Variants in DPPA4 observed in about 807,000 individuals in gnomAD.
DPPA4 encodes the protein developmental pluripotency-associated protein 4.
DPPA4 carries 22 observed loss-of-function variants against 33.7 expected under a neutral mutation model. That is an observed-to-expected ratio of 0.65 (90% confidence interval 0.47 to 0.93). The LOEUF (loss-of-function observed/expected upper bound fraction) is 0.93. Among genes scored for constraint, DPPA4 ranks in the 40% least tolerant of loss-of-function variants. The probability of loss-of-function intolerance (pLI) is 0.00; values close to 1 mark genes in which losing one functional copy is unlikely to be tolerated. For missense variants in DPPA4, 340 were observed against 358.6 expected (o/e 0.95, Z 0.42); for synonymous variants, 156 against 132.3 (o/e 1.18, Z -1.23).
rs1707969289 is a variant in DPPA4, at chr3:109,327,759, G to A, written c.*229C>T. The stretch of plus-strand genomic sequence containing the variant: ...TTTCTACATATTAACTACAATTTAT[G>A]GTAATTTGTGAAATGTTTTTCCATT... On this transcript the variant is annotated 3_prime_UTR_variant, in exon 7 of 7. Transcript: ENST00000335658. 4 of 437,794 alleles carry A rather than the reference G, an allele frequency of 9.1e-6. No homozygotes were observed. In the South Asian group the frequency reaches 1.4e-4, roughly 16 times the overall value. 27.1% of individuals were successfully genotyped at this position (437,794 alleles called of 1,614,324 possible).
intron 1 of DPPA4, among the ~76,000 whole-genome samples, chr3:109,335,418 G>A (rs1014495769): frequency 1.1e-4 from 16 of 152,218 alleles, no homozygotes; most frequent in African/African-American, 3.4e-4. Flanking sequence ...GAGCCACTGC[G>A]CCCAAGGGTT....
intron 4 of DPPA4, among the ~76,000 whole-genome samples, 191 bp downstream of exon 4, chr3:109,331,543 C>CAAAAAAAAAAAA (rs62827961): frequency 2.2e-4 from 16 of 71,450 alleles, no homozygotes; most frequent in South Asian, 5.2e-4. Context: ...GACTCTGTCT[C>CAAAAAAAAAAAA]AAAAAAAAAA....
At position 109,330,900 on chromosome 3, in the gene DPPA4, T is replaced by C. The variant is rs554572158; in HGVS notation, c.391-88A>G. 48 of 1,240,410 alleles carry C rather than the reference T, an allele frequency of 3.9e-5. No individual in the cohort carries two copies. The South Asian group carries it at 6.8e-4, about 18-fold the overall frequency. 76.8% of individuals were successfully genotyped at this position (1,240,410 alleles called of 1,614,324 possible). A position where few individuals can be genotyped will look rare whatever the true frequency, so the allele number is the denominator to read the frequency against. The stretch of plus-strand genomic sequence containing the variant: ...AAGGAGCTCTTGATCAAATACAAAG[T>C]TTCACTTAGGAGGACTAGGTTCAAG... On this transcript the variant is annotated intron_variant, in intron 4 of 6. Transcript: ENST00000335658.
At chr3:109,334,811 C>T (rs1708157869) in intron 1 of DPPA4, among the ~76,000 whole-genome samples, 1 of 152,140 alleles carries the variant, frequency 6.6e-6, no homozygotes, top group Non-Finnish European at 1.5e-5. Flanking sequence ...TGTTACATTC[C>T]TCAGCCCCAA....
chr3:109,328,576 T>C (rs1707985940), intron 6 of DPPA4, among the ~76,000 whole-genome samples: 1 of 152,218 alleles, frequency 6.6e-6, no homozygotes, highest in African/African-American at 2.4e-5. Flanking sequence ...CTGTTAAGAC[T>C]GTAGGCTACT....
At position 109,327,260 on chromosome 3, in the gene DPPA4, T is replaced by C. The variant is rs1437313688; in HGVS notation, c.*728A>G. On this transcript the variant is annotated 3_prime_UTR_variant, in exon 7 of 7. Transcript: ENST00000335658. ...TACTTTACGTTTTATGAAATTGCAA[T>C]TGGAATGAAGCAGCTCCTAAAGTAG... The C allele has an allele frequency of 6.6e-6, 1 of 152,120 alleles. No individual in the cohort carries two copies. Among genetic ancestry groups the C allele is most frequent in the East Asian group, 1.9e-4 (1 of 5,190 alleles). The allele number at this position is 152,120 out of a possible 1,614,324, so 9.4% of individuals were successfully genotyped here. A position where few individuals can be genotyped will look rare whatever the true frequency, so the allele number is the denominator to read the frequency against.
In DPPA4 at chr3:109,328,934, G is replaced by A. The variant is rs1303861160; in HGVS notation, c.834C>T (p.Pro278=). The A allele has an allele frequency of 2.5e-6, 4 of 1,613,894 alleles. No homozygotes were observed. The highest frequency in any genetic ancestry group is 2.2e-5 in the East Asian group (1 of 44,872). The change falls in exon 6 of 7, where the codon CCC becomes CCT. Residue 278 remains proline (P), a synonymous_variant. Transcript: ENST00000335658. The part of the protein sequence containing the change: ...LFLLPASNFP[P]PHLEDNMLCP... ...ACAACATATTGTCTTCAAGGTGCGG[G>A]GGTGGAAAATTGGAGGCAGGAAGCA...
chr3:109,329,099 CA>C lies in DPPA4; in HGVS notation c.680-12del, dbSNP rs1559707065. 1 of 1,612,686 alleles carries C rather than the reference CA, an allele frequency of 6.2e-7. No homozygotes were observed. Among genetic ancestry groups the C allele is most frequent in the East Asian group, 2.2e-5 (1 of 44,856 alleles). ...CACACCACCTGACACCTGGCAATGGCAAAGGAAAGAGACAGGTACCCGCACA... is the reference window on the plus strand; with the variant it reads ...CACACCACCTGACACCTGGCAATGGCAAGGAAAGAGACAGGTACCCGCACA... On this transcript the variant is annotated splice_polypyrimidine_tract_variant and intron_variant, in intron 5 of 6. Transcript: ENST00000335658.
chr3:109,338,676 A>G (rs1708257678), upstream of DPPA4, among the ~76,000 whole-genome samples: 1 of 152,230 alleles, frequency 6.6e-6, no homozygotes, highest in South Asian at 2.1e-4. Context: ...GCCCAGGAAT[A>G]GAGAAGGAAG....
chr3:109,330,661 T>A lies in DPPA4; in HGVS notation c.542A>T (p.Asn181Ile). 6.2e-7 allele frequency: 1 copy of A among 1,614,130 alleles called. No individual in the cohort carries two copies. Among genetic ancestry groups the A allele is most frequent in the Non-Finnish European group, 8.5e-7 (1 of 1,180,026 alleles). Residue 181 changes from asparagine (N) to isoleucine (I), a missense_variant, in exon 5 of 7, where the codon AAT (asparagine) becomes ATT (isoleucine). Physicochemically the swap from Asn to Ile is moderately radical, Grantham distance 149. This residue lies in a region of DPPA4 where 212 missense variants were observed against 206.5 expected (regional missense o/e 1.03). Coordinates refer to ENST00000335658, the MANE Select transcript of DPPA4 (RefSeq NM_018189.4). ...PPVGEPPALE[N>I]STALLEGVNT... ...AACTCCCTCAAGGAGAGCAGTGGAATTTTCCAGGGCAGGCGGCTCCCCCAC... is the reference window on the plus strand; with the variant it reads ...AACTCCCTCAAGGAGAGCAGTGGAAATTTCCAGGGCAGGCGGCTCCCCCAC...
At position 109,329,597 on chromosome 3, in the gene DPPA4, GA is replaced by G. The variant is rs1236168778; in HGVS notation, c.680-510del. 9.5e-5 allele frequency: 15 copies of G among 157,936 alleles called. No homozygotes were observed. In the South Asian group the frequency reaches 2.6e-3, roughly 28 times the overall value. The allele number at this position is 157,936 out of a possible 1,614,324, so 9.8% of individuals were successfully genotyped here. A position where few individuals can be genotyped will look rare whatever the true frequency, so the allele number is the denominator to read the frequency against. On this transcript the variant is annotated intron_variant, in intron 5 of 6. Transcript: ENST00000335658. ...CTGTTAAAACTTAAAAATCTAGTTG[GA>G]AGTAGTATAGTTGTAGGTGGGCAGA...
At chr3:109,339,041 A>G (rs1708263248), upstream of DPPA4, among the ~76,000 whole-genome samples, 1 of 151,664 alleles carries the variant, frequency 6.6e-6, no homozygotes, top group African/African-American at 2.4e-5. Context: ...TAAAAATGCA[A>G]AAATTAGCCG....
chr3:109,334,104 C>G, intron 1 of DPPA4, 111 bp from the exon 2 acceptor site: 1 of 1,174,688 alleles, frequency 8.5e-7, no homozygotes, highest in Non-Finnish European at 1.2e-6. Flanking sequence ...CTGGACTCCA[C>G]TGGCAGTGTG....
At chr3:109,337,203 T>C (rs900758864) in intron 1 of DPPA4, among the ~76,000 whole-genome samples, 2 of 147,978 alleles carry the variant, frequency 1.4e-5, no homozygotes, top group African/African-American at 4.9e-5. Context: ...CCCGGCCTCT[T>C]TTTTTTTTTT....
intron 6 of DPPA4, 54 bp downstream of exon 6, chr3:109,328,836 C>T: frequency 6.6e-7 from 1 of 1,504,878 alleles, no homozygotes; most frequent in Non-Finnish European, 9.1e-7. Context: ...TAACTTTCTG[C>T]AATTGAAAAT....
At chr3:109,332,071 G>A (rs781534911) in intron 2 of DPPA4, 40 bp from the exon 3 acceptor site, 8 of 1,487,084 alleles carry the variant, frequency 5.4e-6, no homozygotes, top group Non-Finnish European at 7.3e-6. Flanking sequence ...AATTATCTTT[G>A]TGTAGCTTTT....
intron 1 of DPPA4, among the ~76,000 whole-genome samples, chr3:109,335,000 A>G (rs1389165225): frequency 6.6e-6 from 1 of 152,148 alleles, no homozygotes; most frequent in African/African-American, 2.4e-5. Flanking sequence ...TTTCTTTTTC[A>G]TCATAGGCAC....
chr3:109,335,970 T>C (rs1161549248), intron 1 of DPPA4, among the ~76,000 whole-genome samples: 1 of 151,428 alleles, frequency 6.6e-6, no homozygotes, highest in Non-Finnish European at 1.5e-5. Context: ...CTGGCTAACA[T>C]ATCGAAACTC....
intron 5 of DPPA4, 145 bp downstream of exon 5, chr3:109,330,379 A>G: frequency 1.2e-6 from 1 of 846,974 alleles, no homozygotes; most frequent in Non-Finnish European, 2.0e-6. Flanking sequence ...CCTGCCCTAG[A>G]CCTGCACCAG....
Sources: allele counts gnomAD v4.1 joint callset (sites outside exome capture counted in the v4.1 genomes callset), GRCh38; gene constraint gnomAD v4.1.1; regional missense constraint gnomAD v4.1.1; transcripts MANE v1.5; gene names NCBI Gene and HGNC (gene_info 2026-07-23, HGNC 2026-07-21).